Variants in ADGRB3 observed in about 807,000 individuals in gnomAD.
The protein encoded by ADGRB3 is brain-specific angiogenesis inhibitor 3.
A neutral mutation model predicts 193.4 loss-of-function variants in ADGRB3; 37 were observed. That is an observed-to-expected ratio of 0.19 (90% confidence interval 0.15 to 0.25). ADGRB3 has a LOEUF of 0.25. Among genes scored for constraint, ADGRB3 ranks in the 10% least tolerant of loss-of-function variants. The pLI is 1.00. For synonymous variants in ADGRB3, 690 were observed against 644.2 expected (o/e 1.07, Z -1.08); for missense variants, 1,637 against 1,852.9 (o/e 0.88, Z 2.14).
chr6:68,971,253 A>G (rs1768559777), intron 8 of ADGRB3, among the ~76,000 whole-genome samples: 1 of 152,216 alleles, frequency 6.6e-6, no homozygotes, highest in Non-Finnish European at 1.5e-5. Flanking sequence ...CAGTATAGCA[A>G]CTATTTATAT....
chr6:68,808,245 A>G (rs1417440838), intron 3 of ADGRB3, among the ~76,000 whole-genome samples: 1 of 152,174 alleles, frequency 6.6e-6, no homozygotes, highest in African/African-American at 2.4e-5. Flanking sequence ...TGTATAATCA[A>G]TAAGAGAAGT....
chr6:68,823,648 A>G (rs9446059), intron 3 of ADGRB3, among the ~76,000 whole-genome samples: 4,921 of 152,158 alleles, frequency 0.032, 278 homozygotes, highest in African/African-American at 0.11. Context: ...GTGACTAACA[A>G]TCTTGATGCA....
intron 3 of ADGRB3, among the ~76,000 whole-genome samples, chr6:68,904,071 G>GGCGGGAGGAAGGAAGGA (rs1182834116): frequency 7.3e-6 from 1 of 137,288 alleles, no homozygotes; most frequent in Non-Finnish European, 1.6e-5. Context: ...AGGAGGGAAG[G>GGCGGGAGGAAGGAAGGA]AGGGAGGGCT....
intron 3 of ADGRB3, among the ~76,000 whole-genome samples, chr6:68,913,175 C>G (rs1263613040): frequency 6.6e-6 from 1 of 152,232 alleles, no homozygotes; most frequent in African/African-American, 2.4e-5. Flanking sequence ...CCCTGTCTGA[C>G]AGCTCTGAAG....
At chr6:69,052,213 C>T (rs1483343172) in intron 15 of ADGRB3, among the ~76,000 whole-genome samples, 2 of 151,948 alleles carry the variant, frequency 1.3e-5, no homozygotes, top group Non-Finnish European at 2.9e-5. Flanking sequence ...GATAAAATAT[C>T]GTATATAAGA....
intron 17 of ADGRB3, among the ~76,000 whole-genome samples, chr6:69,100,988 A>AGGG (rs2150321550): frequency 7.1e-6 from 1 of 141,048 alleles, no homozygotes; most frequent in Non-Finnish European, 1.6e-5. Context: ...GGAAGGAAGG[A>AGGG]AGGAAGGAAG....
rs1562133200 is a variant in ADGRB3 at position 69,040,358 on chromosome 6, T to TTTCC, written c.2108-7824_2108-7823insCTTC. Among the ~76,000 whole-genome samples the TTTCC allele has an allele frequency of 2.7e-3, 176 of 65,580 alleles. 3 individuals are homozygous for TTTCC. In the East Asian group the frequency reaches 0.065, roughly 24 times the overall value. 43.0% of individuals were successfully genotyped at this position (65,580 alleles called of 152,430 possible). A position where few individuals can be genotyped will look rare whatever the true frequency, so the allele number is the denominator to read the frequency against. On this transcript the variant is annotated intron_variant, in intron 13 of 31. Coordinates refer to ENST00000370598, the MANE Select transcript of ADGRB3 (RefSeq NM_001704.3). ...CTTTCTTTCTTTCTTTCTTTCTTTCTTTCTTTCTTTCTTTCTTTCCTTCTC... is the reference window on the plus strand; with the variant it reads ...CTTTCTTTCTTTCTTTCTTTCTTTCTTTCCTTCTTTCTTTCTTTCTTTCCTTCTC...
chr6:68,839,613 C>T (rs1406009753), intron 3 of ADGRB3, among the ~76,000 whole-genome samples: 1 of 152,140 alleles, frequency 6.6e-6, no homozygotes. Context: ...CCTCACTGGC[C>T]ATTAGAAAAG....
chr6:68,940,931 T>C (rs1275564138), intron 5 of ADGRB3, among the ~76,000 whole-genome samples: 1 of 152,162 alleles, frequency 6.6e-6, no homozygotes, highest in African/African-American at 2.4e-5. Context: ...TTATTTTATG[T>C]ACAGCTCAAT....
chr6:68,659,057 T>C (rs931414732), intron 3 of ADGRB3, among the ~76,000 whole-genome samples: 6 of 151,124 alleles, frequency 4.0e-5, no homozygotes, highest in Non-Finnish European at 8.9e-5. Context: ...ATAATTTTCA[T>C]AAGTTCTTTT....
chr6:68,676,389 C>CAAAAAAAAA (rs70987431), intron 3 of ADGRB3, among the ~76,000 whole-genome samples: 4 of 84,638 alleles, frequency 4.7e-5, no homozygotes, highest in Non-Finnish European at 7.1e-5. Flanking sequence ...GACTCTGTCT[C>CAAAAAAAAA]AAAAAAAAAA....
At chr6:69,008,287 T>A (rs1769832417) in intron 11 of ADGRB3, among the ~76,000 whole-genome samples, 1 of 152,150 alleles carries the variant, frequency 6.6e-6, no homozygotes, top group Admixed American at 6.6e-5. Flanking sequence ...TTCACTATCA[T>A]ATTCACAGCA....
intron 24 of ADGRB3, among the ~76,000 whole-genome samples, chr6:69,338,514 A>T (rs1430699527): frequency 6.6e-6 from 1 of 152,226 alleles, no homozygotes; most frequent in Admixed American, 6.5e-5. Flanking sequence ...TTTCACAGAT[A>T]TATATGCCTT....
intron 17 of ADGRB3, among the ~76,000 whole-genome samples, chr6:69,195,140 G>A (rs909740910): frequency 1.1e-4 from 16 of 151,952 alleles, no homozygotes; most frequent in African/African-American, 3.9e-4. Context: ...AATTCATGTT[G>A]GAAATATCAG....
intron 3 of ADGRB3, among the ~76,000 whole-genome samples, chr6:68,772,894 A>AAAAAATAT (rs1466813173): frequency 5.3e-4 from 12 of 22,856 alleles, no homozygotes; most frequent in African/African-American, 2.4e-3. Flanking sequence ...AAAAAAAAAA[A>AAAAAATAT]ATATATATAT....
At chr6:69,350,633 G>A (rs981948524) in intron 26 of ADGRB3, among the ~76,000 whole-genome samples, 2 of 151,896 alleles carry the variant, frequency 1.3e-5, no homozygotes, top group African/African-American at 4.8e-5. Context: ...AAATTTAGTT[G>A]TTACCTAAAA....
chr6:68,883,875 C>G (rs772626705), intron 3 of ADGRB3, among the ~76,000 whole-genome samples: 5 of 152,144 alleles, frequency 3.3e-5, no homozygotes, highest in Non-Finnish European at 7.3e-5. Flanking sequence ...ATAGTTACAA[C>G]TATATGTATC....
chr6:68,731,789 A>G (rs2127332686), intron 3 of ADGRB3, among the ~76,000 whole-genome samples: 1 of 151,786 alleles, frequency 6.6e-6, no homozygotes, highest in Non-Finnish European at 1.5e-5. Context: ...ATATTTAGAT[A>G]TTAGTGATTT....
At chr6:68,956,616 T>C (rs369604424) in intron 7 of ADGRB3, 29 bp from the exon 8 acceptor site, 58 of 1,612,600 alleles carry the variant, frequency 3.6e-5, no homozygotes, top group Non-Finnish European at 4.5e-5. Context: ...GGTAGATGAC[T>C]GACATTGACC....
Sources: allele counts gnomAD v4.1 joint callset (sites outside exome capture counted in the v4.1 genomes callset), GRCh38; gene constraint gnomAD v4.1.1; transcripts MANE v1.5; gene names NCBI Gene and HGNC (gene_info 2026-07-23, HGNC 2026-07-21).